Variants in UTRN observed in about 807,000 individuals in gnomAD.
The protein encoded by UTRN is utrophin, also known as dystrophin-related protein 1.
Under a neutral mutation model 463.9 loss-of-function variants are expected in UTRN, and 283 were observed. The observed-to-expected ratio is 0.61, with a 90% CI of 0.55 to 0.67. UTRN has a LOEUF of 0.67. UTRN is among the 30% of genes least tolerant of loss of function. The pLI, the probability that UTRN is intolerant of heterozygous loss-of-function variation, is 0.00. For synonymous variants in UTRN, 1,442 were observed against 1,431.5 expected (o/e 1.01, Z -0.17); for missense variants, 3,922 against 4,084.3 (o/e 0.96, Z 1.08).
chr6:144,595,782 T>G (rs924799295), intron 51 of UTRN, among the ~76,000 whole-genome samples: 1 of 152,228 alleles, frequency 6.6e-6, no homozygotes, highest in Non-Finnish European at 1.5e-5. Flanking sequence ...CAATAATAAT[T>G]AAACATTCTG....
chr6:144,804,263 C>G (rs1777951150), intron 65 of UTRN, among the ~76,000 whole-genome samples: 1 of 152,144 alleles, frequency 6.6e-6, no homozygotes, highest in Non-Finnish European at 1.5e-5. Context: ...GAGAGGAAAT[C>G]TGTAGAAAAT....
At chr6:144,364,648 A>T (rs529095570) in intron 2 of UTRN, among the ~76,000 whole-genome samples, 2 of 152,208 alleles carry the variant, frequency 1.3e-5, no homozygotes, top group Admixed American at 1.3e-4. Context: ...CACAAATTTG[A>T]TGGCTTAAAA....
At chr6:144,726,593 T>G (rs950391058) in intron 53 of UTRN, among the ~76,000 whole-genome samples, 8 of 152,276 alleles carry the variant, frequency 5.3e-5, no homozygotes, top group African/African-American at 1.9e-4. Context: ...AATATAGAAA[T>G]GTCACCTCTT....
intron 28 of UTRN, among the ~76,000 whole-genome samples, chr6:144,486,725 G>T (rs1016086247): frequency 6.6e-6 from 1 of 152,090 alleles, no homozygotes; most frequent in African/African-American, 2.4e-5. Flanking sequence ...TTACCATGTC[G>T]GCCAGGCTGG....
At chr6:144,458,692 G>A (rs1789113314) in intron 19 of UTRN, 78 bp from the exon 20 acceptor site, 3 of 1,478,036 alleles carry the variant, frequency 2.0e-6, no homozygotes, top group African/African-American at 2.8e-5. Context: ...ACTATTCTGA[G>A]TGTTAGAATG....
chr6:144,833,690 CCTCTCTCTTCACATGA>C (rs1206498357), intron 69 of UTRN, among the ~76,000 whole-genome samples: 1 of 152,178 alleles, frequency 6.6e-6, no homozygotes, highest in Non-Finnish European at 1.5e-5. Context: ...TGTTTTATCA[CCTCTCTCTTCACATGA>C]ACTTGGTGAG....
At chr6:144,826,356 T>C (rs1336225282) in intron 66 of UTRN, among the ~76,000 whole-genome samples, 2 of 152,190 alleles carry the variant, frequency 1.3e-5, no homozygotes, top group African/African-American at 4.8e-5. Context: ...GTATGTATAA[T>C]AGAAATAGGA....
chr6:144,811,949 A>G (rs1047813597), intron 65 of UTRN, among the ~76,000 whole-genome samples: 6 of 152,152 alleles, frequency 3.9e-5, no homozygotes, highest in Admixed American at 1.3e-4. Flanking sequence ...GTGCCAAGTG[A>G]CTTTTTTTAT....
intron 48 of UTRN, 31 bp from the exon 49 acceptor site, chr6:144,554,657 A>AT (rs58746549): frequency 0.18 from 287,201 of 1,594,202 alleles, 25,613 homozygotes; most frequent in South Asian, 0.31. Context: ...ACATGTTGGG[A>AT]TTTTTTTTTC....
rs1010788123 is a variant in UTRN, at chr6:144,835,927, G to A, written c.9813G>A (p.Glu3271=). The change falls in exon 70 of 75, where the codon GAG becomes GAA. Residue 3271 remains glutamate (E), a synonymous_variant. Transcript: ENST00000367545. ...GELERIIADL[E]EEQRNLQVEY... ...TGGAGAGGATCATTGCTGACCTGGAGGAAGAACAAAGGTGTGCTAGGCCTG... is the reference window on the plus strand; with the variant it reads ...TGGAGAGGATCATTGCTGACCTGGAAGAAGAACAAAGGTGTGCTAGGCCTG... 5.0e-6 allele frequency: 8 copies of A among 1,614,038 alleles called. No homozygotes were observed. Among genetic ancestry groups the A allele is most frequent in the Non-Finnish European group, 6.8e-6 (8 of 1,179,974 alleles).
intron 51 of UTRN, among the ~76,000 whole-genome samples, chr6:144,664,778 A>C (rs1444708673): frequency 6.6e-6 from 1 of 151,856 alleles, no homozygotes; most frequent in Admixed American, 6.6e-5. Flanking sequence ...AATGACAATT[A>C]CTATCCCAGA....
chr6:144,799,331 AG>A (rs1417110165), intron 64 of UTRN: 3 of 409,396 alleles, frequency 7.3e-6, no homozygotes, highest in Non-Finnish European at 1.5e-5. Context: ...GTGAGGTCAG[AG>A]GGCCTTGCTG....
chr6:144,724,177 T>C (rs1787563359), intron 53 of UTRN, among the ~76,000 whole-genome samples: 1 of 151,368 alleles, frequency 6.6e-6, no homozygotes, highest in African/African-American at 2.4e-5. Context: ...GGGCTTTTAG[T>C]ATTTTCACAG....
intron 34 of UTRN, among the ~76,000 whole-genome samples, chr6:144,501,589 T>C (rs1285872525): frequency 6.6e-6 from 1 of 152,230 alleles, no homozygotes; most frequent in Non-Finnish European, 1.5e-5. Context: ...TGTTTTTATA[T>C]AGCATATTAG....
intron 51 of UTRN, among the ~76,000 whole-genome samples, chr6:144,634,800 T>A (rs1776928929): frequency 6.6e-6 from 1 of 152,184 alleles, no homozygotes; most frequent in Admixed American, 6.5e-5. Context: ...TTTTTTCACT[T>A]AGGATCATGT....
intron 51 of UTRN, among the ~76,000 whole-genome samples, chr6:144,603,306 G>A (rs1206483909): frequency 6.6e-6 from 1 of 152,160 alleles, no homozygotes; most frequent in East Asian, 1.9e-4. Context: ...AGGTTTCTCT[G>A]TGTATGTGCT....
chr6:144,435,825 G>C (rs755412811), intron 9 of UTRN, 110 bp from the exon 10 acceptor site: 7 of 1,180,710 alleles, frequency 5.9e-6, no homozygotes, highest in Admixed American at 4.6e-5. Flanking sequence ...AATTGGATTA[G>C]TGCCTAAGAC....
intron 3 of UTRN, among the ~76,000 whole-genome samples, chr6:144,411,574 A>G (rs1436228399): frequency 1.3e-5 from 2 of 152,158 alleles, no homozygotes; most frequent in African/African-American, 2.4e-5. Flanking sequence ...ATCGAGGTAA[A>G]CATTCTGTTA....
At chr6:144,481,540 G>A (rs1791860643) in intron 26 of UTRN, among the ~76,000 whole-genome samples, 1 of 152,162 alleles carries the variant, frequency 6.6e-6, no homozygotes, top group Admixed American at 6.5e-5. Flanking sequence ...CAATTTTTGT[G>A]AAAATATATT....
Sources: allele counts gnomAD v4.1 joint callset (sites outside exome capture counted in the v4.1 genomes callset), GRCh38; gene constraint gnomAD v4.1.1; transcripts MANE v1.5; gene names NCBI Gene and HGNC (gene_info 2026-07-23, HGNC 2026-07-21).